Variants in SASH1 observed in about 807,000 individuals in gnomAD.
The protein encoded by SASH1 is SAM and SH3 domain-containing protein 1.
A neutral mutation model predicts 125.2 loss-of-function variants in SASH1; 44 were observed. The observed-to-expected ratio is 0.35, with a 90% CI of 0.28 to 0.45. The LOEUF (loss-of-function observed/expected upper bound fraction) is 0.45. Among genes scored for constraint, SASH1 ranks in the 20% least tolerant of loss-of-function variants. SASH1 has a pLI of 1.00. For synonymous variants in SASH1, 639 were observed against 649.1 expected (o/e 0.98, Z 0.24); for missense variants, 1,426 against 1,614.5 (o/e 0.88, Z 2.00).
upstream of SASH1, among the ~76,000 whole-genome samples, chr6:148,268,441 C>T (rs1183656345): frequency 2.0e-5 from 3 of 152,152 alleles, no homozygotes; most frequent in African/African-American, 4.8e-5. Context: ...GCTACTATGT[C>T]GCAGAAAAGT....
chr6:148,466,240 C>G (rs553133461), intron 4 of SASH1, among the ~76,000 whole-genome samples: 3 of 152,318 alleles, frequency 2.0e-5, no homozygotes, highest in East Asian at 3.9e-4. Context: ...TCCTCTCTAG[C>G]GGTTTCTCCC....
At chr6:148,391,058 G>C (rs1783694882) in intron 2 of SASH1, among the ~76,000 whole-genome samples, 1 of 151,442 alleles carries the variant, frequency 6.6e-6, no homozygotes, top group African/African-American at 2.4e-5. Flanking sequence ...TATCCTTCTA[G>C]TGTTTTTGTG....
intron 10 of SASH1, among the ~76,000 whole-genome samples, chr6:148,524,045 A>G (rs562366182): frequency 7.4e-4 from 112 of 150,696 alleles, no homozygotes; most frequent in African/African-American, 2.6e-3. Flanking sequence ...TGTGATTTCA[A>G]AAATGTAGGC....
intron 1 of SASH1, among the ~76,000 whole-genome samples, chr6:148,337,285 G>A (rs1039923783): frequency 6.7e-6 from 1 of 149,488 alleles, no homozygotes; most frequent in Non-Finnish European, 1.5e-5. Flanking sequence ...GTGCAATGAC[G>A]CAATCTCGGC....
chr6:148,490,063 AAAT>A (rs60004034), intron 8 of SASH1, among the ~76,000 whole-genome samples: 57,707 of 132,446 alleles, frequency 0.44, 11,802 homozygotes, highest in East Asian at 0.62. Context: ...CTTCTGCAAA[AAAT>A]AATAATAATA....
chr6:148,295,814 C>T (rs1251280538), intron 1 of SASH1, among the ~76,000 whole-genome samples: 2 of 152,212 alleles, frequency 1.3e-5, no homozygotes, highest in African/African-American at 4.8e-5. Context: ...GTGTTGACAG[C>T]AGCCAGCACT....
chr6:148,393,041 ATTTTTT>A (rs11368073), intron 2 of SASH1, among the ~76,000 whole-genome samples: 1 of 78,124 alleles, frequency 1.3e-5, no homozygotes, highest in Non-Finnish European at 2.4e-5. Flanking sequence ...GAATGTTTCA[ATTTTTT>A]TTTTTTTTTT....
intron 4 of SASH1, among the ~76,000 whole-genome samples, chr6:148,461,954 T>C (rs959991502): frequency 2.0e-5 from 3 of 152,212 alleles, no homozygotes; most frequent in African/African-American, 7.2e-5. Flanking sequence ...TACTTCTTAA[T>C]GTAAGCCCTT....
At chr6:148,195,038 A>T in the SASH1 span, among the ~76,000 whole-genome samples, 6,670 of 152,360 alleles carry the variant, frequency 0.044, 199 homozygotes, top group Non-Finnish European at 0.061. Context: ...ATTTCTAAAC[A>T]TAACTAAAAA....
chr6:148,302,229 G>A (rs1030922128), intron 1 of SASH1, among the ~76,000 whole-genome samples: 18 of 143,852 alleles, frequency 1.3e-4, no homozygotes, highest in Non-Finnish European at 1.8e-4. Flanking sequence ...GGAGAATGGC[G>A]TGAACCTGGG....
chr6:148,324,177 G>A (rs1167919522), intron 1 of SASH1, among the ~76,000 whole-genome samples: 1 of 148,260 alleles, frequency 6.7e-6, no homozygotes, highest in Non-Finnish European at 1.5e-5. Context: ...GCAAATGGGA[G>A]GGCAGCAGGC....
intron 18 of SASH1, among the ~76,000 whole-genome samples, chr6:148,545,769 T>C (rs1429023368): frequency 6.6e-6 from 1 of 152,224 alleles, no homozygotes; most frequent in Non-Finnish European, 1.5e-5. Flanking sequence ...AAAGAAAATA[T>C]ATTCATTTCA....
chr6:148,528,685 A>G (rs997559404), intron 12 of SASH1, among the ~76,000 whole-genome samples: 1 of 152,098 alleles, frequency 6.6e-6, no homozygotes, highest in Non-Finnish European at 1.5e-5. Flanking sequence ...TGGAGTGGAT[A>G]TTGCTGGCAT....
chr6:148,482,231 T>G (rs751203736), intron 7 of SASH1, among the ~76,000 whole-genome samples: 6 of 152,242 alleles, frequency 3.9e-5, no homozygotes, highest in Non-Finnish European at 8.8e-5. Context: ...AGTGATATTG[T>G]AGAAAAATAT....
intron 1 of SASH1, among the ~76,000 whole-genome samples, chr6:148,304,576 C>T (rs1336533706): frequency 6.6e-6 from 1 of 152,012 alleles, no homozygotes; most frequent in African/African-American, 2.4e-5. Flanking sequence ...CGCCACTGCA[C>T]TCCAGCATGG....
chr6:148,378,577 C>T (rs928214788), intron 1 of SASH1, among the ~76,000 whole-genome samples: 1 of 152,170 alleles, frequency 6.6e-6, no homozygotes, highest in Admixed American at 6.5e-5. Flanking sequence ...TCAGGTTGGT[C>T]TCAAACTCCT....
At chr6:148,470,949 G>A (rs1232282875) in intron 5 of SASH1, among the ~76,000 whole-genome samples, 1 of 152,074 alleles carries the variant, frequency 6.6e-6, no homozygotes, top group African/African-American at 2.4e-5. Flanking sequence ...TCTTCTTGTT[G>A]TTAAATCTGG....
At chr6:148,487,555 A>T in intron 7 of SASH1, 59 bp from the exon 8 acceptor site, 2 of 1,207,208 alleles carry the variant, frequency 1.7e-6, no homozygotes, top group South Asian at 2.6e-5. Context: ...TCCCTGTAAA[A>T]GGTCTGGCCA....
the SASH1 span, among the ~76,000 whole-genome samples, chr6:148,244,599 C>T: frequency 6.6e-6 from 1 of 152,106 alleles, no homozygotes; most frequent in Admixed American, 6.6e-5. Flanking sequence ...TTGTAGGCCT[C>T]CGTTTCTTTA....
Sources: allele counts gnomAD v4.1 joint callset (sites outside exome capture counted in the v4.1 genomes callset), GRCh38; gene constraint gnomAD v4.1.1; transcripts MANE v1.5; gene names NCBI Gene and HGNC (gene_info 2026-07-23, HGNC 2026-07-21).